The following PPP1R1C variants were observed in gnomAD, a reference collection of about 807,000 sequenced individuals.
PPP1R1C encodes the protein protein phosphatase 1 regulatory inhibitor subunit 1C.
A neutral mutation model predicts 17.4 loss-of-function variants in PPP1R1C; 15 were observed. The ratio of observed to expected loss-of-function variants is 0.86; its 90% CI spans 0.58 to 1.33. The LOEUF (loss-of-function observed/expected upper bound fraction) is 1.33, where lower values mean the gene tolerates loss of function less well. Ranked by LOEUF, PPP1R1C falls within the 40% of genes most tolerant of loss-of-function variation. PPP1R1C has a pLI of 0.00. For synonymous variants in PPP1R1C, 35 were observed against 43.1 expected (o/e 0.81, Z 0.73); for missense variants, 143 against 130.0 (o/e 1.10, Z -0.48).
intron 2 of PPP1R1C, among the ~76,000 whole-genome samples, chr2:182,050,350 C>T (rs771381768): frequency 1.3e-5 from 2 of 152,116 alleles, no homozygotes; most frequent in Non-Finnish European, 2.9e-5. Context: ...CTGTTTATAC[C>T]ACCTTGCTAT....
At chr2:182,061,794 T>C (rs1312235148) in intron 3 of PPP1R1C, among the ~76,000 whole-genome samples, 2 of 152,130 alleles carry the variant, frequency 1.3e-5, no homozygotes, top group African/African-American at 4.8e-5. Context: ...CAAGTAATGC[T>C]GGAACCCCAG....
intron 4 of PPP1R1C, among the ~76,000 whole-genome samples, chr2:182,107,356 A>G (rs958160778): frequency 6.6e-6 from 1 of 152,214 alleles, no homozygotes; most frequent in African/African-American, 2.4e-5. Flanking sequence ...GTTCTTTCAG[A>G]TTAAACGTTG....
In PPP1R1C at chr2:181,962,299, G is replaced by A. The variant is rs549850706; in HGVS notation, n.111+7665G>A. On this transcript the variant is annotated intron_variant and non_coding_transcript_variant, in intron 1 of 5. Coordinates refer to the PPP1R1C transcript ENST00000464264. This position sits in a 1 kb window ranked among gnomAD's most constrained non-coding sequence, Gnocchi z 6.0. ...CGGCCATCCCCGCGGCCAGGTCCCC[G>A]GACCCCATGCCACCCCGGAAGCTGG... 1.6e-5 allele frequency: 13 copies of A among 789,202 alleles called. No individual in the cohort carries two copies. Among genetic ancestry groups the A allele is most frequent in the South Asian group, 1.4e-4 (9 of 66,356 alleles). The allele number at this position is 789,202 out of a possible 1,614,324, so 48.9% of individuals were successfully genotyped here.
At chr2:181,971,039 CA>C (rs139196100) in intron 1 of PPP1R1C, among the ~76,000 whole-genome samples, 4,476 of 152,134 alleles carry the variant, frequency 0.029, 90 homozygotes, top group South Asian at 0.1. Flanking sequence ...ATCAGGAGCC[CA>C]AAGAGCCCAC....
intron 2 of PPP1R1C, among the ~76,000 whole-genome samples, chr2:182,040,095 A>T (rs6747855): frequency 0.64 from 97,132 of 152,036 alleles, 32,363 homozygotes; most frequent in Non-Finnish European, 0.75. Context: ...TGCAATTGTG[A>T]ATTTTGCAAC....
intron 3 of PPP1R1C, among the ~76,000 whole-genome samples, chr2:182,063,498 G>A (rs932351367): frequency 3.9e-5 from 6 of 152,006 alleles, no homozygotes. Flanking sequence ...TTTCAAGGCT[G>A]CCATGAATGA....
rs770278354 is a variant in PPP1R1C, at chr2:182,063,715, TTC to T, written c.181-12_181-11del. The T allele has an allele frequency of 3.9e-5, 62 of 1,609,208 alleles. No individual in the cohort carries two copies. In the African/African-American group the frequency reaches 4.3e-4, roughly 11 times the overall value. ...ATCCAAATCTAAGGCTTTTACTTTT[TTC>T]TCTTTCTCCACAGTTACAGAATGCA... On this transcript the variant is annotated splice_polypyrimidine_tract_variant and intron_variant, in intron 3 of 4. Coordinates refer to ENST00000682840, the MANE Select transcript of PPP1R1C (RefSeq NM_001080545.3).
intron 4 of PPP1R1C, among the ~76,000 whole-genome samples, chr2:182,070,747 A>C (rs1230156914): frequency 6.6e-6 from 1 of 152,216 alleles, no homozygotes; most frequent in Non-Finnish European, 1.5e-5. Flanking sequence ...AAAGAGGTTT[A>C]ATTGGCTTAT....
intron 2 of PPP1R1C, among the ~76,000 whole-genome samples, chr2:182,005,253 A>G (rs1341261082): frequency 6.6e-6 from 1 of 152,226 alleles, no homozygotes; most frequent in African/African-American, 2.4e-5. Flanking sequence ...CATGTACATC[A>G]TTAGCTAAGC....
intron 2 of PPP1R1C, among the ~76,000 whole-genome samples, chr2:182,050,324 A>G (rs1266047049): frequency 6.6e-6 from 1 of 152,182 alleles, no homozygotes; most frequent in South Asian, 2.1e-4. Context: ...ATTTCATAGA[A>G]GTTTATCTTC....
chr2:182,055,905 T>C (rs12470212), intron 2 of PPP1R1C, among the ~76,000 whole-genome samples: 5,876 of 152,320 alleles, frequency 0.039, 390 homozygotes, highest in Admixed American at 0.18. Flanking sequence ...TTTCTTCTTA[T>C]GTTTTGAAAT....
At chr2:182,125,113 G>A (rs192030315) in intron 5 of PPP1R1C, among the ~76,000 whole-genome samples, 1 of 152,244 alleles carries the variant, frequency 6.6e-6, no homozygotes, top group Non-Finnish European at 1.5e-5. Flanking sequence ...ATGAAGGAGT[G>A]TTGAATTTTA....
chr2:181,987,650 TCAGA>T (rs1685342005), intron 1 of PPP1R1C, among the ~76,000 whole-genome samples, 185 bp from the exon 2 acceptor site: 1 of 152,244 alleles, frequency 6.6e-6, no homozygotes, highest in South Asian at 2.1e-4. Context: ...GATACTTCTA[TCAGA>T]CAGTTCAATT....
intron 4 of PPP1R1C, among the ~76,000 whole-genome samples, chr2:182,076,556 T>A (rs1305433110): frequency 6.6e-6 from 1 of 151,674 alleles, no homozygotes; most frequent in Non-Finnish European, 1.5e-5. Flanking sequence ...TTTCATACAC[T>A]GCACTCATTT....
upstream of PPP1R1C, among the ~76,000 whole-genome samples, chr2:181,983,355 C>G (rs901391044): frequency 2.0e-5 from 3 of 152,052 alleles, no homozygotes; most frequent in Non-Finnish European, 4.4e-5. Flanking sequence ...TTGAGGATAG[C>G]AATAATATCT....
At chr2:182,080,204 A>C (rs1688432683) in intron 4 of PPP1R1C, among the ~76,000 whole-genome samples, 1 of 152,222 alleles carries the variant, frequency 6.6e-6, no homozygotes, top group Non-Finnish European at 1.5e-5. Context: ...CCTAAGTTAC[A>C]GATTTCCCAT....
At chr2:182,103,005 T>C (rs1689143766) in intron 4 of PPP1R1C, among the ~76,000 whole-genome samples, 1 of 152,156 alleles carries the variant, frequency 6.6e-6, no homozygotes, top group African/African-American at 2.4e-5. Flanking sequence ...GGTTTCGCCA[T>C]GTTGCCCAGG....
At chr2:181,971,937 G>C (rs1168826999) in intron 1 of PPP1R1C, among the ~76,000 whole-genome samples, 1 of 152,172 alleles carries the variant, frequency 6.6e-6, no homozygotes, top group Admixed American at 6.5e-5. Flanking sequence ...GGCCACTGCT[G>C]GGGGATGGAG....
intron 5 of PPP1R1C, among the ~76,000 whole-genome samples, chr2:182,126,686 A>G (rs4666576): frequency 0.69 from 104,791 of 151,784 alleles, 36,601 homozygotes; most frequent in African/African-American, 0.79. Context: ...TTGTAAAGAG[A>G]CTACCACTCA....
Sources: gnomAD v4.1 joint callset for allele counts (sites outside exome capture counted in the v4.1 genomes callset) on GRCh38, gnomAD v4.1.1 for gene constraint, Gnocchi (gnomAD v3.1) non-coding constraint, MANE v1.5 for transcripts, NCBI Gene and HGNC (gene_info 2026-07-23, HGNC 2026-07-21) for gene names.